Variants in ZFPM2 observed in about 807,000 individuals in gnomAD.
ZFPM2 encodes the protein zinc finger protein ZFPM2.
Under a neutral mutation model 98.6 loss-of-function variants are expected in ZFPM2, and 20 were observed. That is an observed-to-expected ratio of 0.20 (90% CI 0.14 to 0.29). The LOEUF is 0.29. Ranked by LOEUF, ZFPM2 falls within the 10% of genes least tolerant of loss-of-function variation. The pLI, the probability that ZFPM2 is intolerant of heterozygous loss-of-function variation, is 1.00. For missense variants in ZFPM2, 1,310 were observed against 1,388.6 expected, an observed-to-expected ratio of 0.94 and a Z score of 0.90; for synonymous variants, 518 against 502.7, an observed-to-expected ratio of 1.03 and a Z score of -0.41.
intron 4 of ZFPM2, among the ~76,000 whole-genome samples, chr8:105,618,333 G>T (rs1386158455): frequency 6.6e-6 from 1 of 152,156 alleles, no homozygotes; most frequent in Non-Finnish European, 1.5e-5. Flanking sequence ...TTCTGGCAAT[G>T]TGAATATGGA....
intron 3 of ZFPM2, among the ~76,000 whole-genome samples, chr8:105,559,878 CAT>C (rs1815092126): frequency 6.6e-6 from 1 of 152,046 alleles, no homozygotes; most frequent in Non-Finnish European, 1.5e-5. Flanking sequence ...GCAACAATTT[CAT>C]ATGTTACCTG....
intron 3 of ZFPM2, among the ~76,000 whole-genome samples, chr8:105,470,096 A>G (rs1812873904): frequency 6.6e-6 from 1 of 152,218 alleles, no homozygotes. Context: ...AAAAAACAAT[A>G]TATTAAAGAA....
chr8:105,535,187 A>G (rs1814424305), intron 3 of ZFPM2, among the ~76,000 whole-genome samples: 1 of 152,174 alleles, frequency 6.6e-6, no homozygotes, highest in South Asian at 2.1e-4. Context: ...CCAGATTTCC[A>G]TAGAAGCTTC....
intron 3 of ZFPM2, among the ~76,000 whole-genome samples, chr8:105,475,585 G>A (rs967223667): frequency 1.3e-5 from 2 of 152,182 alleles, no homozygotes; most frequent in African/African-American, 4.8e-5. Context: ...AGCGGAGGAA[G>A]CAACTGGCCT....
chr8:105,517,960 C>T (rs1459880351), intron 3 of ZFPM2, among the ~76,000 whole-genome samples: 1 of 152,140 alleles, frequency 6.6e-6, no homozygotes, highest in African/African-American at 2.4e-5. Context: ...TACCCTTGAT[C>T]ATTGTGTGCC....
chr8:105,763,753 A>G (rs1812790677), intron 5 of ZFPM2, among the ~76,000 whole-genome samples: 1 of 151,840 alleles, frequency 6.6e-6, no homozygotes, highest in Non-Finnish European at 1.5e-5. Context: ...TTAAAAGGCC[A>G]CTTCTTTGCA....
intron 5 of ZFPM2, among the ~76,000 whole-genome samples, chr8:105,723,256 C>A (rs1424053802): frequency 6.6e-6 from 1 of 151,786 alleles, no homozygotes; most frequent in East Asian, 2.0e-4. Flanking sequence ...CAGTTTTCTC[C>A]AGTAGGAATT....
intron 5 of ZFPM2, among the ~76,000 whole-genome samples, chr8:105,673,401 TA>T (rs1289506942): frequency 5.3e-5 from 8 of 152,070 alleles, no homozygotes; most frequent in Non-Finnish European, 1.2e-4. Flanking sequence ...CTCACTGTAA[TA>T]AGTTTTAAAT....
intron 1 of ZFPM2, among the ~76,000 whole-genome samples, chr8:105,396,864 C>G (rs1811230178): frequency 1.3e-5 from 2 of 152,082 alleles, no homozygotes; most frequent in South Asian, 2.1e-4. Flanking sequence ...ATAAAAAAGT[C>G]CTTGTGCTCT....
intron 3 of ZFPM2, among the ~76,000 whole-genome samples, chr8:105,510,626 G>GGT (rs1352108352): frequency 6.6e-6 from 1 of 152,120 alleles, no homozygotes; most frequent in Non-Finnish European, 1.5e-5. Flanking sequence ...CATGATTTAA[G>GGT]GTGATTGGAA....
intron 1 of ZFPM2, among the ~76,000 whole-genome samples, chr8:105,415,547 G>C (rs1811664502): frequency 6.6e-6 from 1 of 151,954 alleles, no homozygotes; most frequent in African/African-American, 2.4e-5. Context: ...TTCTGAAGTG[G>C]ACTTCTGTGC....
chr8:105,515,749 G>A (rs1411709155), intron 3 of ZFPM2, among the ~76,000 whole-genome samples: 1 of 152,018 alleles, frequency 6.6e-6, no homozygotes, highest in East Asian at 1.9e-4. Context: ...CTTATTCTTA[G>A]ATTAGTTGCT....
chr8:105,623,403 C>G (rs146511146), intron 4 of ZFPM2, among the ~76,000 whole-genome samples: 124 of 152,202 alleles, frequency 8.1e-4, no homozygotes, highest in South Asian at 2.1e-3. Context: ...GAGATATAAG[C>G]AAGTTAATAG....
chr8:105,734,532 T>G (rs1812023998), intron 5 of ZFPM2, among the ~76,000 whole-genome samples: 1 of 151,968 alleles, frequency 6.6e-6, no homozygotes, highest in Non-Finnish European at 1.5e-5. Flanking sequence ...TCCTCCATTT[T>G]GTCGGCTGCA....
chr8:105,791,918 T>C (rs1300732880), intron 6 of ZFPM2, among the ~76,000 whole-genome samples: 1 of 152,260 alleles, frequency 6.6e-6, no homozygotes, highest in African/African-American at 2.4e-5. Flanking sequence ...TTTATATTTC[T>C]GTGGGATCGC....
chr8:105,432,534 C>T (rs1191279274), intron 2 of ZFPM2, among the ~76,000 whole-genome samples: 3 of 152,076 alleles, frequency 2.0e-5, no homozygotes, highest in South Asian at 2.1e-4. Flanking sequence ...TAAATAAACA[C>T]GGAGGCCGAC....
chr8:105,355,781 A>T (rs1812730475), intron 1 of ZFPM2, among the ~76,000 whole-genome samples: 1 of 152,074 alleles, frequency 6.6e-6, no homozygotes, highest in South Asian at 2.1e-4. Flanking sequence ...ATTCCTAAAT[A>T]AAAAAAACTA....
intron 6 of ZFPM2, among the ~76,000 whole-genome samples, chr8:105,793,452 T>C (rs563032625): frequency 6.6e-6 from 1 of 152,342 alleles, no homozygotes; most frequent in South Asian, 2.1e-4. Context: ...TGCCGAGAGA[T>C]CCGCTGTTAG....
At position 105,727,365 on chromosome 8, in the gene ZFPM2, A is replaced by C. The variant is rs567405738; in HGVS notation, c.533-61353A>C. Among the ~76,000 whole-genome samples, 7 of 151,798 alleles carry C rather than the reference A, an allele frequency of 4.6e-5. No individual in the cohort carries two copies. The South Asian group carries it at 1.0e-3, about 23-fold the overall frequency. On this transcript the variant is annotated intron_variant, in intron 5 of 7. Coordinates refer to ENST00000407775, the MANE Select transcript of ZFPM2 (RefSeq NM_012082.4). ...CTATACAGACATAGATAAATAAATA[A>C]ATAAATACATAAATACATAAATAAA...
Sources: allele counts gnomAD v4.1 joint callset (sites outside exome capture counted in the v4.1 genomes callset), GRCh38; gene constraint gnomAD v4.1.1; transcripts MANE v1.5; gene names NCBI Gene and HGNC (gene_info 2026-07-23, HGNC 2026-07-21).